TENM2: variants seen among roughly 807,000 people sequenced by gnomAD.
The protein encoded by TENM2 is teneurin-2.
A neutral mutation model predicts 245.2 loss-of-function variants in TENM2; 52 were observed. The ratio of observed to expected loss-of-function variants is 0.21; its 90% CI spans 0.17 to 0.27. The LOEUF is 0.27. TENM2 is among the 10% of genes least tolerant of loss of function. The pLI is 1.00. For missense variants in TENM2, 3,046 were observed against 3,666.8 expected, an observed-to-expected ratio of 0.83 and a Z score of 4.37; for synonymous variants, 1,363 against 1,438.9, an observed-to-expected ratio of 0.95 and a Z score of 1.19.
At chr5:168,195,118 G>A in intron 14 of TENM2, 58 bp from the exon 17 acceptor site, 2 of 1,549,508 alleles carry the variant, frequency 1.3e-6, no homozygotes, top group Middle Eastern at 1.7e-4. Flanking sequence ...GAGGCAGTGG[G>A]GAATTGTCTC....
chr5:167,389,910 A>AT (rs2127359210), intron 2 of TENM2, among the ~76,000 whole-genome samples: 1 of 152,154 alleles, frequency 6.6e-6, no homozygotes, highest in East Asian at 1.9e-4. Context: ...GTCTACGTGT[A>AT]TTTTTTATTT....
chr5:168,070,618 C>CAA lies in TENM2; in HGVS notation c.1515+8369_1515+8370dup, dbSNP rs36098821. ...CAGCAAAGTGAGACTTCATCTCTAC[C>CAA]AAAAAAAAAAAAAAAAATTAATTAT... On this transcript the variant is annotated intron_variant, in intron 7 of 28. Transcript: ENST00000518659. 5.3e-3 allele frequency among the ~76,000 whole-genome samples: 709 copies of CAA among 132,830 alleles called. 6 individuals carry two copies. Among genetic ancestry groups the CAA allele is most frequent in the South Asian group, 0.022 (86 of 3,982 alleles). The allele number at this position is 132,830 out of a possible 152,430, so 87.1% of individuals were successfully genotyped here.
chr5:167,499,143 C>T lies in TENM2; in HGVS notation c.502+123670C>T, dbSNP rs142799156. Among the ~76,000 whole-genome samples the T allele has an allele frequency of 1.5e-4, 23 of 152,216 alleles. No individual in the cohort carries two copies. In the East Asian group the frequency reaches 4.1e-3, roughly 27 times the overall value. On this transcript the variant is annotated intron_variant, in intron 2 of 28. Coordinates refer to ENST00000518659, the Ensembl canonical transcript of TENM2. ...ACTTCTGGTCCCTTCCTCTGTGTCC[C>T]GTGGGACCTTTTTCTACTGCTGTGA...
chr5:167,044,011 T>G, the TENM2 span, among the ~76,000 whole-genome samples: 4 of 129,424 alleles, frequency 3.1e-5, no homozygotes, highest in Admixed American at 3.1e-4. Context: ...AGAGCGAGAC[T>G]GCATCTCAAA....
intron 2 of TENM2, chr5:167,754,790 C>A: frequency 3.0e-6 from 1 of 329,078 alleles, no homozygotes; most frequent in South Asian, 1.0e-4. Flanking sequence ...ATGTCAGAGA[C>A]ATTACATGGG....
At chr5:168,205,188 T>C (rs576439933) in intron 19 of TENM2, among the ~76,000 whole-genome samples, 1 of 152,276 alleles carries the variant, frequency 6.6e-6, no homozygotes, top group East Asian at 1.9e-4. Context: ...CCAGGAAAGT[T>C]GATTTCAGAC....
At chr5:167,149,409 C>T in the TENM2 span, among the ~76,000 whole-genome samples, 1 of 152,096 alleles carries the variant, frequency 6.6e-6, no homozygotes, top group East Asian at 1.9e-4. Flanking sequence ...AGCGAGTGTG[C>T]CTCTACATAA....
intron 14 of TENM2, 165 bp downstream of exon 16, chr5:168,190,712 T>C: frequency 1.7e-6 from 1 of 605,350 alleles, no homozygotes; most frequent in South Asian, 2.0e-5. Context: ...TTCCTCACTT[T>C]GTGTTGGGCT....
intron 2 of TENM2, among the ~76,000 whole-genome samples, chr5:167,425,077 A>G (rs1763732659): frequency 6.6e-6 from 1 of 152,202 alleles, no homozygotes; most frequent in South Asian, 2.1e-4. Context: ...ATGGCTTTAT[A>G]TGTTTGGTTA....
chr5:167,046,690 A>G, the TENM2 span, among the ~76,000 whole-genome samples: 1 of 151,704 alleles, frequency 6.6e-6, no homozygotes, highest in African/African-American at 2.4e-5. Flanking sequence ...TTTCTATTTT[A>G]AAATTTATTT....
rs1433365772 is a variant in TENM2, at chr5:167,640,858, TCC to T, written c.503-235127_503-235126del. Reference sequence around the variant, plus strand: ...ATATATATCCATATATATATATATATCCATATATATATATATATATATATATA... The same window carrying T: ...ATATATATCCATATATATATATATATATATATATATATATATATATATATA... On this transcript the variant is annotated intron_variant, in intron 2 of 28. Transcript: ENST00000518659. 3.9e-3 allele frequency among the ~76,000 whole-genome samples: 97 copies of T among 24,704 alleles called. No individual in the cohort carries two copies. In the South Asian group the frequency reaches 0.046, roughly 12 times the overall value. 16.2% of individuals were successfully genotyped at this position (24,704 alleles called of 152,430 possible).
intron 2 of TENM2, chr5:167,660,071 G>A (rs1755104724): frequency 6.6e-6 from 1 of 152,084 alleles, no homozygotes; most frequent in Non-Finnish European, 1.5e-5. Flanking sequence ...GCTTTACGGT[G>A]CTTTTCTCAA....
At chr5:168,226,029 C>T in intron 23 of TENM2, 59 bp from the exon 26 acceptor site, 1 of 1,504,310 alleles carries the variant, frequency 6.6e-7, no homozygotes, top group Admixed American at 1.9e-5. Context: ...CTTGGGAACA[C>T]TGTCAGCCCC....
chr5:167,126,896 T>C, the TENM2 span, among the ~76,000 whole-genome samples: 2 of 152,298 alleles, frequency 1.3e-5, no homozygotes, highest in East Asian at 1.9e-4. Flanking sequence ...TAGACTGTGG[T>C]ATTAATATTT....
At position 167,296,051 on chromosome 5, in the gene TENM2, C is replaced by T. The variant is rs537611407; in HGVS notation, c.226+10988C>T. ...AGCATTATGTTTAATGCATTTTCTC[C>T]AAGACAGAAAAATCTTTTCAAGAAT... On this transcript the variant is annotated intron_variant, in intron 1 of 28. Coordinates refer to ENST00000518659, the Ensembl canonical transcript of TENM2. Among the ~76,000 whole-genome samples the T allele has an allele frequency of 1.2e-3, 175 of 152,134 alleles. 2 individuals are homozygous for T. The highest frequency in any genetic ancestry group is 2.0e-3 in the Non-Finnish European group (137 of 67,986).
chr5:167,545,677 A>T (rs1772515340), intron 2 of TENM2, among the ~76,000 whole-genome samples: 1 of 152,208 alleles, frequency 6.6e-6, no homozygotes. Flanking sequence ...ACATGGTTTT[A>T]TGCTTTTATG....
At chr5:167,446,047 G>A (rs1434913524) in intron 2 of TENM2, among the ~76,000 whole-genome samples, 2 of 152,158 alleles carry the variant, frequency 1.3e-5, no homozygotes, top group Admixed American at 1.3e-4. Flanking sequence ...GCTGGGCAAT[G>A]GGAGGGAAGC....
At chr5:168,059,254 G>C (rs1789825666) in intron 6 of TENM2, among the ~76,000 whole-genome samples, 1 of 152,170 alleles carries the variant, frequency 6.6e-6, no homozygotes, top group Admixed American at 6.5e-5. Context: ...CTGCTCCCTG[G>C]AGACAAGTTC....
At chr5:167,101,028 A>C in the TENM2 span, among the ~76,000 whole-genome samples, 1 of 152,226 alleles carries the variant, frequency 6.6e-6, no homozygotes, top group Non-Finnish European at 1.5e-5. Context: ...CTTTTCAAAT[A>C]TATGGTTGTA....
Sources: allele counts gnomAD v4.1 joint callset (sites outside exome capture counted in the v4.1 genomes callset), GRCh38; gene constraint gnomAD v4.1.1; transcripts MANE v1.5; gene names NCBI Gene and HGNC (gene_info 2026-07-23, HGNC 2026-07-21).